Variants in DUS2 observed in about 807,000 individuals in gnomAD.
DUS2 encodes the protein tRNA-dihydrouridine(20) synthase [NAD(P)+]-like.
A neutral mutation model predicts 71.3 loss-of-function variants in DUS2; 52 were observed. The ratio of observed to expected loss-of-function variants is 0.73; its 90% CI spans 0.58 to 0.92. DUS2 has a LOEUF of 0.92. Among genes scored for constraint, DUS2 ranks in the 40% least tolerant of loss-of-function variants. DUS2 has a pLI of 0.00. For synonymous variants in DUS2, 204 were observed against 227.8 expected (o/e 0.90, Z 0.94); for missense variants, 558 against 622.6 (o/e 0.90, Z 1.10).
intron 1 of DUS2, 155 bp downstream of exon 1, chr16:68,023,506 T>G: frequency 2.5e-6 from 1 of 402,532 alleles, no homozygotes; most frequent in African/African-American, 2.1e-5. Flanking sequence ...GGCGATTGGT[T>G]ACCTGGTTCC....
Position 68,079,129 on chromosome 16 carries a change from G to A in DUS2, c.*143G>A. ...TGTCCTGGCAGGGGCCATCAGCCTAGAGCATGGACCAGGGGCCGCCCAGGG... is the reference window on the plus strand; with the variant it reads ...TGTCCTGGCAGGGGCCATCAGCCTAAAGCATGGACCAGGGGCCGCCCAGGG... On this transcript the variant is annotated 3_prime_UTR_variant, in exon 17 of 17. Transcript: ENST00000565263. 1.3e-6 allele frequency: 1 copy of A among 794,762 alleles called. No homozygotes were observed. The highest frequency in any genetic ancestry group is 3.1e-5 in the Admixed American group (1 of 32,758). 49.2% of individuals were successfully genotyped at this position (794,762 alleles called of 1,614,324 possible).
At position 68,079,032 on chromosome 16, in the gene DUS2, G is replaced by A. The variant is rs1567485158; in HGVS notation, c.*46G>A. The A allele has an allele frequency of 6.7e-7, 1 of 1,481,698 alleles. No homozygotes were observed. Among genetic ancestry groups the A allele is most frequent in the Non-Finnish European group, 9.1e-7 (1 of 1,104,142 alleles). The allele number at this position is 1,481,698 out of a possible 1,614,324, so 91.8% of individuals were successfully genotyped here. A position where few individuals can be genotyped will look rare whatever the true frequency, so the allele number is the denominator to read the frequency against. On this transcript the variant is annotated 3_prime_UTR_variant, in exon 17 of 17. Transcript: ENST00000565263. The stretch of plus-strand genomic sequence containing the variant: ...ACCCCTCCATGGGCCTGGTGCTAAG[G>A]TGGCTGTGGATGCCACAGCATGAAC...
chr16:68,045,137 C>T (rs2033682519), intron 3 of DUS2, among the ~76,000 whole-genome samples: 2 of 151,998 alleles, frequency 1.3e-5, no homozygotes, highest in Admixed American at 6.6e-5. Flanking sequence ...TTCTTAATTT[C>T]CTTTTGTATT....
rs2034142736 is a variant in DUS2, at chr16:68,075,413, C to T, written c.991C>T (p.Gln331Ter). The change falls in exon 14 of 17, where the codon CAG (glutamine) becomes TAG (stop). Residue 331 changes from glutamine (Q) to a stop codon, truncating the protein, a stop_gained. Coordinates refer to ENST00000565263, the MANE Select transcript of DUS2 (RefSeq NM_017803.5). LOFTEE classifies it high-confidence loss of function. ...GACCACACAGGAGCTGGATGCCCAG[C>T]AGGCCAGGCTCTCAGCCAAGACTTC... The part of the protein sequence containing the change: ...EETTQELDAQ[Q>*]ARLSAKTSEQ... 6.2e-7 allele frequency: 1 copy of T among 1,613,762 alleles called. No individual in the cohort carries two copies. The highest frequency in any genetic ancestry group is 2.2e-5 in the East Asian group (1 of 44,876).
At chr16:68,060,046 G>A (rs557829017) in intron 7 of DUS2, among the ~76,000 whole-genome samples, 1 of 152,298 alleles carries the variant, frequency 6.6e-6, no homozygotes, top group South Asian at 2.1e-4. Context: ...CCTAGACAAG[G>A]TTTGTAAGTT....
At chr16:68,035,481 C>T (rs1170385476) in intron 2 of DUS2, among the ~76,000 whole-genome samples, 1 of 151,572 alleles carries the variant, frequency 6.6e-6, no homozygotes, top group Admixed American at 6.6e-5. Flanking sequence ...CTCCTGGGCT[C>T]ATGTCATCAT....
chr16:68,040,173 T>C (rs2033602205), intron 3 of DUS2, among the ~76,000 whole-genome samples: 2 of 151,836 alleles, frequency 1.3e-5, no homozygotes, highest in African/African-American at 4.8e-5. Context: ...CAACCTCTGC[T>C]TCCCAGGTTC....
intron 2 of DUS2, among the ~76,000 whole-genome samples, chr16:68,026,269 A>G (rs888042771): frequency 3.9e-5 from 6 of 152,068 alleles, no homozygotes; most frequent in African/African-American, 1.4e-4. Flanking sequence ...GGGATTACAG[A>G]TGTGAGCCAT....
chr16:68,038,729 CAAA>C (rs576577769), intron 3 of DUS2, among the ~76,000 whole-genome samples: 2 of 103,714 alleles, frequency 1.9e-5, no homozygotes. Flanking sequence ...GACTCCATCT[CAAA>C]AAAAAAAAAA....
rs755674894 is a variant in DUS2 at position 68,078,933 on chromosome 16, A to T, written c.1429A>T (p.Lys477Ter). ...AGCACAACCTGGGGATCTGTGCAAGAAGCCCTTTGTGGCCTTGGGAAGTGG... is the reference window on the plus strand; with the variant it reads ...AGCACAACCTGGGGATCTGTGCAAGTAGCCCTTTGTGGCCTTGGGAAGTGG... ...ELAQPGDLCK[K>*]PFVALGSGEE... Residue 477 changes from lysine to a stop codon, truncating the protein, a stop_gained, in exon 17 of 17, where the codon AAG becomes TAG. Transcript: ENST00000565263. LOFTEE classifies it high-confidence loss of function. The T allele has an allele frequency of 6.2e-7, 1 of 1,604,972 alleles. No individual in the cohort carries two copies. The highest frequency in any genetic ancestry group is 1.3e-5 in the African/African-American group (1 of 74,674).
intron 8 of DUS2, 144 bp from the exon 9 acceptor site, chr16:68,066,173 T>C (rs904201940): frequency 5.1e-6 from 4 of 780,446 alleles, no homozygotes; most frequent in East Asian, 2.5e-5. Flanking sequence ...TGTGTATGTG[T>C]GTAACAGACA....
intron 4 of DUS2, 46 bp downstream of exon 4, chr16:68,049,596 C>T: frequency 6.3e-7 from 1 of 1,587,810 alleles, no homozygotes. Context: ...CCCTGCTGGG[C>T]TCAAGCAGCA....
chr16:68,057,910 A>AGTGTAAAT (rs2033884958), intron 7 of DUS2, among the ~76,000 whole-genome samples: 1 of 147,950 alleles, frequency 6.8e-6, no homozygotes. Flanking sequence ...AAGTGGATGC[A>AGTGTAAAT]GTGTAAATGT....
At chr16:68,047,783 G>GTTT (rs36087080) in intron 3 of DUS2, among the ~76,000 whole-genome samples, 1 of 137,628 alleles carries the variant, frequency 7.3e-6, no homozygotes. Context: ...GTGCTGGCGT[G>GTTT]TTTTTTTTTT....
At chr16:68,066,483 G>C (rs183964681) in intron 9 of DUS2, 83 bp from the exon 10 acceptor site, 13 of 1,583,124 alleles carry the variant, frequency 8.2e-6, no homozygotes, top group Non-Finnish European at 1.0e-5. Flanking sequence ...TTGGAGGAGA[G>C]AGTAGAGCTG....
At position 68,079,051 on chromosome 16, in the gene DUS2, C is replaced by T; in HGVS notation, c.*65C>T. On this transcript the variant is annotated 3_prime_UTR_variant, in exon 17 of 17. Coordinates refer to ENST00000565263, the MANE Select transcript of DUS2 (RefSeq NM_017803.5). ...GCTAAGGTGGCTGTGGATGCCACAGCATGAACCAGATGCCGTTGAACAGTT... is the reference window on the plus strand; with the variant it reads ...GCTAAGGTGGCTGTGGATGCCACAGTATGAACCAGATGCCGTTGAACAGTT... 7.3e-7 allele frequency: 1 copy of T among 1,369,944 alleles called. No individual in the cohort carries two copies. The highest frequency in any genetic ancestry group is 9.9e-7 in the Non-Finnish European group (1 of 1,007,530). The allele number at this position is 1,369,944 out of a possible 1,614,324, so 84.9% of individuals were successfully genotyped here. A position where few individuals can be genotyped will look rare whatever the true frequency, so the allele number is the denominator to read the frequency against.
intron 2 of DUS2, among the ~76,000 whole-genome samples, chr16:68,025,829 G>T (rs1427816986): frequency 6.6e-6 from 1 of 152,152 alleles, no homozygotes; most frequent in Non-Finnish European, 1.5e-5. Context: ...GAGATCAGGA[G>T]CTTGGTGTGT....
chr16:68,035,406 T>C (rs1313945242), intron 2 of DUS2, among the ~76,000 whole-genome samples: 1 of 152,076 alleles, frequency 6.6e-6, no homozygotes, highest in Admixed American at 6.6e-5. Flanking sequence ...TTTTTTTTCT[T>C]TTTCCTTGCT....
chr16:68,055,953 C>G (rs1295272713), intron 6 of DUS2, among the ~76,000 whole-genome samples: 2 of 152,024 alleles, frequency 1.3e-5, no homozygotes, highest in Non-Finnish European at 2.9e-5. Flanking sequence ...GCCCAGCCAA[C>G]AAAGGCAGTG....
Sources: allele counts gnomAD v4.1 joint callset (sites outside exome capture counted in the v4.1 genomes callset), GRCh38; gene constraint gnomAD v4.1.1; transcripts MANE v1.5; gene names NCBI Gene and HGNC (gene_info 2026-07-23, HGNC 2026-07-21).